Variants in ABLIM1 observed in about 807,000 individuals in gnomAD.
ABLIM1 encodes actin binding LIM protein 1.
In ABLIM1, 40 loss-of-function variants were observed where a neutral mutation model predicts 107.0. The ratio of observed to expected loss-of-function variants is 0.37; its 90% CI spans 0.29 to 0.49. The LOEUF (loss-of-function observed/expected upper bound fraction) is 0.49. Among genes scored for constraint, ABLIM1 ranks in the 20% least tolerant of loss-of-function variants. The pLI is 0.97. For synonymous variants in ABLIM1, 357 were observed against 357.3 expected, an observed-to-expected ratio of 1.00 and a Z score of 0.01; for missense variants, 857 against 1,008.5, an observed-to-expected ratio of 0.85 and a Z score of 2.04.
At chr10:114,658,665 C>G (rs1391042916), upstream of ABLIM1, among the ~76,000 whole-genome samples, 2 of 152,138 alleles carry the variant, frequency 1.3e-5, no homozygotes, top group Non-Finnish European at 2.9e-5. Context: ...TATTTCAGAT[C>G]TCACAGGTGG....
At chr10:114,469,110 G>A (rs1276967001) in intron 10 of ABLIM1, among the ~76,000 whole-genome samples, 3 of 150,962 alleles carry the variant, frequency 2.0e-5, no homozygotes, top group Admixed American at 2.0e-4. Flanking sequence ...ACATACTTAG[G>A]TGATTAAGCT....
the ABLIM1 span, among the ~76,000 whole-genome samples, chr10:114,787,548 G>A: frequency 2.8e-5 from 4 of 141,958 alleles, no homozygotes; most frequent in Admixed American, 6.9e-5. Flanking sequence ...TCAGCCCCCC[G>A]CCCGGCCAGC....
At chr10:114,708,204 G>GCTTCTGGT (rs1228076933) in intron 1 of ABLIM1, among the ~76,000 whole-genome samples, 1 of 152,166 alleles carries the variant, frequency 6.6e-6, no homozygotes, top group Non-Finnish European at 1.5e-5. Context: ...AAGTGATCCA[G>GCTTCTGGT]CTTCTGGTAC....
rs1223966304 is a variant in ABLIM1 at position 114,433,318 on chromosome 10, A to G, written c.*2942T>C. The G allele has an allele frequency of 6.6e-6, 1 of 152,218 alleles. No individual in the cohort carries two copies. Among genetic ancestry groups the G allele is most frequent in the Non-Finnish European group, 1.5e-5 (1 of 68,048 alleles). 9.4% of individuals were successfully genotyped at this position (152,218 alleles called of 1,614,324 possible). A position where few individuals can be genotyped will look rare whatever the true frequency, so the allele number is the denominator to read the frequency against. On this transcript the variant is annotated 3_prime_UTR_variant, in exon 23 of 23. Coordinates refer to ENST00000533213, the MANE Select transcript of ABLIM1 (RefSeq NM_002313.7). ...CAAGCATGCTGAGCCCAGTTTAACT[A>G]AATGTGCAGGCATTCTAGCCCACAC... is the stretch of plus-strand genomic sequence containing the variant.
intron 6 of ABLIM1, among the ~76,000 whole-genome samples, chr10:114,536,100 C>T (rs1213717218): frequency 2.0e-5 from 3 of 152,068 alleles, no homozygotes; most frequent in Non-Finnish European, 4.4e-5. Context: ...TTATTTCCCC[C>T]TTCCCCCAGC....
chr10:114,634,007 C>T (rs531577554), intron 1 of ABLIM1, among the ~76,000 whole-genome samples: 4 of 151,920 alleles, frequency 2.6e-5, no homozygotes, highest in African/African-American at 7.2e-5. Flanking sequence ...CACACCAGCC[C>T]CCATTCCTCC....
intron 1 of ABLIM1, among the ~76,000 whole-genome samples, chr10:114,717,464 A>G (rs2081696573): frequency 6.6e-6 from 1 of 152,136 alleles, no homozygotes; most frequent in African/African-American, 2.4e-5. Context: ...TATCATGCAC[A>G]TTGTAGGGTC....
At chr10:114,742,328 A>G (rs1037659874) in intron 1 of ABLIM1, among the ~76,000 whole-genome samples, 7 of 152,342 alleles carry the variant, frequency 4.6e-5, no homozygotes, top group African/African-American at 1.7e-4. Flanking sequence ...TAACTGCAAA[A>G]TGCCAAAGTC....
intron 1 of ABLIM1, among the ~76,000 whole-genome samples, chr10:114,718,376 A>G (rs919760755): frequency 2.0e-5 from 3 of 152,206 alleles, no homozygotes; most frequent in African/African-American, 7.2e-5. Context: ...ACTGTATAGT[A>G]GTAAGCCCAA....
In ABLIM1 at chr10:114,482,306, G is replaced by A. The variant is rs559813780; in HGVS notation, c.1041+5652C>T. On this transcript the variant is annotated intron_variant, in intron 8 of 22. Transcript: ENST00000533213. ...TGTAATTCAGGCAAAAGGAAAAGAT[G>A]GAGCTCATTCTCAATATAGATAACA... is the stretch of plus-strand genomic sequence containing the variant. Among the ~76,000 whole-genome samples the A allele has an allele frequency of 6.6e-4, 100 of 152,234 alleles. 2 individuals are homozygous for A. The highest frequency in any genetic ancestry group is 2.4e-3 in the African/African-American group (98 of 41,528).
intron 1 of ABLIM1, among the ~76,000 whole-genome samples, chr10:114,607,991 G>A (rs1421000427): frequency 6.6e-6 from 1 of 152,238 alleles, no homozygotes; most frequent in Admixed American, 6.5e-5. Context: ...ACTAACAGGG[G>A]AAACCAAGTG....
Position 114,443,698 on chromosome 10 carries a change from AAGAAG to A in ABLIM1, c.1933+326_1933+330del, listed in dbSNP as rs1303736695. On this transcript the variant is annotated intron_variant, in intron 17 of 22. Transcript: ENST00000533213. ...AAAAAAAAAAAAAAAAAAAAAGAAGAAGAAGAAAAGCATCATGTTTTTTAGAGGAT... is the reference window on the plus strand; with the variant it reads ...AAAAAAAAAAAAAAAAAAAAAGAAGAAAAAGCATCATGTTTTTTAGAGGAT... Among the ~76,000 whole-genome samples the A allele has an allele frequency of 1.8e-3, 269 of 149,674 alleles. 2 individuals are homozygous for A. Among genetic ancestry groups the A allele is most frequent in the African/African-American group, 6.4e-3 (261 of 40,804 alleles).
chr10:114,718,464 C>T (rs1007894502), intron 1 of ABLIM1, among the ~76,000 whole-genome samples: 4 of 152,148 alleles, frequency 2.6e-5, no homozygotes, highest in African/African-American at 9.7e-5. Flanking sequence ...CAAAAATTTT[C>T]CTTCTCCAAA....
intron 1 of ABLIM1, among the ~76,000 whole-genome samples, chr10:114,759,492 A>G (rs1220531866): frequency 1.3e-5 from 2 of 152,216 alleles, no homozygotes; most frequent in African/African-American, 4.8e-5. Context: ...CATGTGAATT[A>G]CCTAAGAAAT....
chr10:114,641,709 C>T (rs1331000420), intron 1 of ABLIM1, among the ~76,000 whole-genome samples: 1 of 150,970 alleles, frequency 6.6e-6, no homozygotes, highest in Admixed American at 6.6e-5. Flanking sequence ...CCACCCCAGA[C>T]AGAGTAAGCA....
chr10:114,724,619 A>G (rs2081919148), intron 1 of ABLIM1, among the ~76,000 whole-genome samples: 1 of 152,108 alleles, frequency 6.6e-6, no homozygotes, highest in South Asian at 2.1e-4. Context: ...TTTGTAATTA[A>G]TTCTTTCAAG....
At chr10:114,468,423 G>A (rs1378709271) in intron 10 of ABLIM1, among the ~76,000 whole-genome samples, 15 of 72,686 alleles carry the variant, frequency 2.1e-4, no homozygotes, top group Admixed American at 2.7e-4. Context: ...TACAGGCGCC[G>A]CCACCACCCC....
rs533161737 is a variant in ABLIM1 at position 114,684,537 on chromosome 10, A to G, written c.-184T>C. The G allele has an allele frequency of 1.9e-5, 27 of 1,398,914 alleles. No individual in the cohort carries two copies. In the African/African-American group the frequency reaches 3.3e-4, roughly 17 times the overall value. The allele number at this position is 1,398,914 out of a possible 1,614,324, so 86.7% of individuals were successfully genotyped here. On this transcript the variant is annotated 5_prime_UTR_variant, in exon 1 of 24. Coordinates refer to the ABLIM1 transcript ENST00000369256. Reference sequence around the variant, plus strand: ...CACAGCCAGCGCAGGAAGAATGAGGAGTTTCCTGAGTGACTCTGGCTCCTT... The same window carrying G: ...CACAGCCAGCGCAGGAAGAATGAGGGGTTTCCTGAGTGACTCTGGCTCCTT...
intron 5 of ABLIM1, among the ~76,000 whole-genome samples, chr10:114,546,546 C>T (rs1298182798): frequency 6.6e-6 from 1 of 152,006 alleles, no homozygotes. Context: ...CCGACTGCCT[C>T]GGCCTCCCAA....
Sources: allele counts gnomAD v4.1 joint callset (sites outside exome capture counted in the v4.1 genomes callset), GRCh38; gene constraint gnomAD v4.1.1; transcripts MANE v1.5; gene names NCBI Gene and HGNC (gene_info 2026-07-23, HGNC 2026-07-21).